ABCA8: variants seen among roughly 807,000 people sequenced by gnomAD.
The protein encoded by ABCA8 is ATP binding cassette subfamily A member 8.
ABCA8 carries 177 observed loss-of-function variants against 192.3 expected under a neutral mutation model. That is an observed-to-expected ratio of 0.92 (90% CI 0.81 to 1.04). The LOEUF (loss-of-function observed/expected upper bound fraction) is 1.04. ABCA8 is among the 50% of genes least tolerant of loss of function. ABCA8 has a pLI of 0.00. For synonymous variants in ABCA8, 642 were observed against 690.2 expected, an observed-to-expected ratio of 0.93 and a Z score of 1.09; for missense variants, 1,915 against 1,904.8, an observed-to-expected ratio of 1.01 and a Z score of -0.10.
intron 21 of ABCA8, among the ~76,000 whole-genome samples, chr17:68,898,286 C>G (rs2066817885): frequency 6.6e-6 from 1 of 152,108 alleles, no homozygotes. Context: ...GATGGTTACA[C>G]CAAAAGCCCA....
Position 68,907,934 on chromosome 17 carries a change from G to A in ABCA8, c.2139-55C>T, listed in dbSNP as rs559149490. ...ATGTTACTCGACATAGTCTCCAATAGCAAGAAAATAATTAACTAGTCTCTA... is the reference window on the plus strand; with the variant it reads ...ATGTTACTCGACATAGTCTCCAATAACAAGAAAATAATTAACTAGTCTCTA... On this transcript the variant is annotated intron_variant, in intron 17 of 39. Transcript: ENST00000586539. 46 of 1,453,272 alleles carry A rather than the reference G, an allele frequency of 3.2e-5. 1 individual carries two copies. In the South Asian group the frequency reaches 5.9e-4, roughly 19 times the overall value. 90.0% of individuals were successfully genotyped at this position (1,453,272 alleles called of 1,614,324 possible).
rs185500710 is a variant in ABCA8, at chr17:68,929,042, A to G, written c.1125+7T>C. The G allele has an allele frequency of 1.6e-4, 239 of 1,485,892 alleles. No homozygotes were observed. The African/African-American group carries it at 3.1e-3, about 19-fold the overall frequency. The allele number at this position is 1,485,892 out of a possible 1,614,324, so 92.0% of individuals were successfully genotyped here. A position where few individuals can be genotyped will look rare whatever the true frequency, so the allele number is the denominator to read the frequency against. ...TGCCATTAATAGACATTCAGATGGCATCTCACCTGGGCCATTCCAAGCATG... is the reference window on the plus strand; with the variant it reads ...TGCCATTAATAGACATTCAGATGGCGTCTCACCTGGGCCATTCCAAGCATG... On this transcript the variant is annotated splice_region_variant and intron_variant, in intron 9 of 39. Transcript: ENST00000586539.
At chr17:68,924,310 C>A (rs1189850331) in intron 11 of ABCA8, among the ~76,000 whole-genome samples, 2 of 148,174 alleles carry the variant, frequency 1.3e-5, no homozygotes. Flanking sequence ...TGCACCATTG[C>A]ACTCCAGCCT....
At chr17:68,884,740 C>A in intron 27 of ABCA8, 1 of 1,059,402 alleles carries the variant, frequency 9.4e-7, no homozygotes, top group Non-Finnish European at 1.1e-6. Context: ...CCCTTCTCTT[C>A]CTTTCCCCTT....
At chr17:68,946,429 C>T (rs1011318684) in intron 2 of ABCA8, among the ~76,000 whole-genome samples, 13 of 152,094 alleles carry the variant, frequency 8.5e-5, no homozygotes, top group African/African-American at 2.4e-4. Context: ...TTCACAATGA[C>T]ATAAGATTGC....
In ABCA8 at chr17:68,929,664, A is replaced by G; in HGVS notation, c.836T>C (p.Ile279Thr). The G allele has an allele frequency of 9.3e-6, 15 of 1,613,894 alleles. No individual in the cohort carries two copies. The highest frequency in any genetic ancestry group is 1.1e-5 in the Non-Finnish European group (13 of 1,179,852). Reference sequence around the variant, plus strand: ...AACAAGTGCCAAGAAAAGGGCCATAATGAAGATGAAACCAGCATAGAGCAA... The same window carrying G: ...AACAAGTGCCAAGAAAAGGGCCATAGTGAAGATGAAACCAGCATAGAGCAA... Reference protein sequence around the residue: ...WGLLYAGFIFIMALFLALVIR... With the variant: ...WGLLYAGFIFTMALFLALVIR... The change falls in exon 8 of 40, where the codon ATT (isoleucine) becomes ACT (threonine). Residue 279 changes from isoleucine to threonine, a missense_variant. Physicochemically the swap from Ile to Thr is moderately conservative, Grantham distance 89. Coordinates refer to ENST00000586539, the MANE Select transcript of ABCA8 (RefSeq NM_001288985.2).
In ABCA8 at chr17:68,891,559, A is replaced by C. The variant is rs890718012; in HGVS notation, c.3074T>G (p.Ile1025Ser). 2 of 1,613,204 alleles carry C rather than the reference A, an allele frequency of 1.2e-6. No individual in the cohort carries two copies. The highest frequency in any genetic ancestry group is 1.7e-6 in the Non-Finnish European group (2 of 1,179,754). ...QDNPIGFLAY[I>S]MFWLVLTSSC... ...CGATGTTAAAACCAGCCAGAACATG[A>C]TATATGCCAGGAATCCGATTGGATT... The change falls in exon 24 of 40, where the codon ATC (isoleucine) becomes AGC (serine). Residue 1025 changes from isoleucine (I) to serine (S), a missense_variant. By Grantham distance (142) the Ile-to-Ser change is moderately radical (BLOSUM62 -2). Coordinates refer to ENST00000586539, the MANE Select transcript of ABCA8 (RefSeq NM_001288985.2).
chr17:68,944,210 G>A (rs1275649389), intron 2 of ABCA8, among the ~76,000 whole-genome samples: 1 of 150,228 alleles, frequency 6.7e-6, no homozygotes, highest in Non-Finnish European at 1.5e-5. Flanking sequence ...TGCATGTGGG[G>A]CTTAAAACCT....
At chr17:68,870,088 T>C (rs2066009337) in intron 37 of ABCA8, among the ~76,000 whole-genome samples, 1 of 152,156 alleles carries the variant, frequency 6.6e-6, no homozygotes, top group Admixed American at 6.5e-5. Flanking sequence ...GCCTTGAACA[T>C]TCCCAGGAAC....
Position 68,903,288 on chromosome 17 carries a change from C to T in ABCA8, c.2597+13G>A. ...GACTTAAAAAGAAAACCTATGGCAA[C>T]TCTGATACTTACAGTGCTAAAAGAG... On this transcript the variant is annotated intron_variant, in intron 20 of 39. Coordinates refer to ENST00000586539, the MANE Select transcript of ABCA8 (RefSeq NM_001288985.2). 1.9e-6 allele frequency: 3 copies of T among 1,613,580 alleles called. No individual in the cohort carries two copies. The highest frequency in any genetic ancestry group is 2.5e-6 in the Non-Finnish European group (3 of 1,179,844).
chr17:68,949,330 G>A lies in ABCA8; in HGVS notation c.-24C>T, dbSNP rs2068504009. The A allele has an allele frequency of 6.6e-6, 1 of 152,136 alleles. No individual in the cohort carries two copies. The highest frequency in any genetic ancestry group is 2.4e-5 in the African/African-American group (1 of 41,414). 9.4% of individuals were successfully genotyped at this position (152,136 alleles called of 1,614,324 possible). ...AGCTTACCAATCAAAAAAAGCCCAG[G>A]ACCAGACAGATTCACAGCTGAATTC... On this transcript the variant is annotated 5_prime_UTR_variant, in exon 2 of 40. Coordinates refer to ENST00000586539, the MANE Select transcript of ABCA8 (RefSeq NM_001288985.2).
chr17:68,876,552 C>T lies in ABCA8; in HGVS notation c.4278G>A (p.Leu1426=), dbSNP rs375606618. Reference sequence around the variant, plus strand: ...TCCCCAGTATGCTCAGGACAAAGCACAGCTGCAACGGGAGGAACAGCCCAT... The same window carrying T: ...TCCCCAGTATGCTCAGGACAAAGCATAGCTGCAACGGGAGGAACAGCCCAT... ...KTLSEGIKRK[L]CFVLSILGNP... is the part of the protein sequence containing the mutation. The change falls in exon 35 of 40, where the codon CTG becomes CTA. Residue 1426 remains leucine (L), a splice_region_variant and synonymous_variant. Coordinates refer to ENST00000586539, the MANE Select transcript of ABCA8 (RefSeq NM_001288985.2). 15 of 1,614,008 alleles carry T rather than the reference C, an allele frequency of 9.3e-6. No homozygotes were observed. The highest frequency in any genetic ancestry group is 2.7e-5 in the African/African-American group (2 of 74,918).
rs762183516 is a variant in ABCA8 at position 68,887,896 on chromosome 17, A to G, written c.3145-390T>C. ...TTCTCTCCTCCATATATATATATAT[A>G]TATATATATATCCATATATATATAT... On this transcript the variant is annotated intron_variant, in intron 24 of 39. Transcript: ENST00000586539. Among the ~76,000 whole-genome samples, 271 of 44,322 alleles carry G rather than the reference A, an allele frequency of 6.1e-3. 6 individuals carry two copies. Among genetic ancestry groups the G allele is most frequent in the Admixed American group, 0.019 (54 of 2,910 alleles). 29.1% of individuals were successfully genotyped at this position (44,322 alleles called of 152,430 possible).
Position 68,918,526 on chromosome 17 carries a change from T to C in ABCA8, c.1809A>G (p.Glu603=). Residue 603 remains glutamate (E), a synonymous_variant, in exon 15 of 40, where the codon GAA becomes GAG. Coordinates refer to ENST00000586539, the MANE Select transcript of ABCA8 (RefSeq NM_001288985.2). ...CATCCTGAATATTTTTCATTTCCAA[T>C]TCCAGCAGAACCCTTTGTATCTAAC... ...VDKEIQRVLL[E]LEMKNIQDVL... 3 of 1,516,322 alleles carry C rather than the reference T, an allele frequency of 2.0e-6. No homozygotes were observed. The highest frequency in any genetic ancestry group is 2.6e-6 in the Non-Finnish European group (3 of 1,141,312). The allele number at this position is 1,516,322 out of a possible 1,614,324, so 93.9% of individuals were successfully genotyped here.
intron 17 of ABCA8, among the ~76,000 whole-genome samples, chr17:68,913,240 C>T (rs572242421): frequency 1.2e-4 from 18 of 152,008 alleles, no homozygotes; most frequent in Admixed American, 9.8e-4. Flanking sequence ...CTATGGAATA[C>T]GGTGGAAGCA....
chr17:68,877,529 C>A lies in ABCA8; in HGVS notation c.4189G>T (p.Ala1397Ser), dbSNP rs937740354. The change falls in exon 33 of 40, where the codon GCC becomes TCC. Residue 1397 changes from alanine (A) to serine (S), a missense_variant. Ala to Ser is a moderately conservative substitution (Grantham distance 99, BLOSUM62 1). Coordinates refer to ENST00000586539, the MANE Select transcript of ABCA8 (RefSeq NM_001288985.2). ...GGCTCCTCTGTGTACCGTGTGATGG[C>A]AACCTCAGCATCCCCTTTCCTCAGC... is the stretch of plus-strand genomic sequence containing the variant. ...KGLRKGDAEV[A>S]ITRLVDALKL... 6.2e-7 allele frequency: 1 copy of A among 1,612,996 alleles called. No individual in the cohort carries two copies.
At chr17:68,882,445 G>A (rs1299238087) in intron 30 of ABCA8, among the ~76,000 whole-genome samples, 154 bp downstream of exon 30, 1 of 152,132 alleles carries the variant, frequency 6.6e-6, no homozygotes, top group Non-Finnish European at 1.5e-5. Flanking sequence ...GAACAAAAGA[G>A]TTAACATGAC....
chr17:68,941,651 C>G (rs1302081015), intron 3 of ABCA8, among the ~76,000 whole-genome samples: 1 of 152,128 alleles, frequency 6.6e-6, no homozygotes, highest in African/African-American at 2.4e-5. Flanking sequence ...GTCTCCATGA[C>G]TGGGGACACT....
At chr17:68,942,330 CT>C (rs1434593251) in intron 2 of ABCA8, among the ~76,000 whole-genome samples, 2 of 152,290 alleles carry the variant, frequency 1.3e-5, no homozygotes, top group South Asian at 2.1e-4. Context: ...GATCTGAATC[CT>C]TTAAGTACTT....
Sources: gnomAD v4.1 joint callset for allele counts (sites outside exome capture counted in the v4.1 genomes callset) on GRCh38, gnomAD v4.1.1 for gene constraint, MANE v1.5 for transcripts, NCBI Gene and HGNC (gene_info 2026-07-23, HGNC 2026-07-21) for gene names.